Variants in TRANK1 observed in about 807,000 individuals in gnomAD.
TRANK1 encodes the protein TPR and ankyrin repeat-containing protein 1.
TRANK1 carries 198 observed loss-of-function variants against 266.0 expected under a neutral mutation model. The ratio of observed to expected loss-of-function variants is 0.74; its 90% CI spans 0.66 to 0.84. TRANK1 has a LOEUF of 0.84. TRANK1 is among the 40% of genes least tolerant of loss of function. The pLI, the probability that TRANK1 is intolerant of heterozygous loss-of-function variation, is 0.00. For synonymous variants in TRANK1, 1,396 were observed against 1,384.1 expected, an observed-to-expected ratio of 1.01 and a Z score of -0.19; for missense variants, 3,326 against 3,634.6, an observed-to-expected ratio of 0.92 and a Z score of 2.18.
chr3:36,831,883 AAGCACAGCACCAG>A lies in TRANK1; in HGVS notation c.7687_7699del (p.Leu2563TrpfsTer2). 4 of 1,614,004 alleles carry A rather than the reference AAGCACAGCACCAG, an allele frequency of 2.5e-6. No individual in the cohort carries two copies. Among genetic ancestry groups the A allele is most frequent in the Non-Finnish European group, 3.4e-6 (4 of 1,179,882 alleles). On this transcript the variant is annotated frameshift_variant, in exon 22 of 24. Coordinates refer to ENST00000645898, the MANE Select transcript of TRANK1 (RefSeq NM_001329998.2). LOFTEE classifies it high-confidence loss of function. This position sits in a 1 kb window ranked among gnomAD's most constrained non-coding sequence, Gnocchi z 5.0. Reference sequence around the variant, plus strand: ...CTCCTCAGCATTCACTAGCATCACCAAGCACAGCACCAGTGTCCGCTCAGCCTCACCCGAGACC... The same window carrying A: ...CTCCTCAGCATTCACTAGCATCACCATGTCCGCTCAGCCTCACCCGAGACC...
chr3:36,874,435 T>C, intron 8 of TRANK1, 139 bp from the exon 9 acceptor site: 1 of 880,740 alleles, frequency 1.1e-6, no homozygotes, highest in Non-Finnish European at 1.7e-6. Flanking sequence ...GAGCCTGCAC[T>C]GCTAGCCTCA....
intron 22 of TRANK1, among the ~76,000 whole-genome samples, 168 bp downstream of exon 22, chr3:36,830,705 A>G (rs1019207803): frequency 6.6e-6 from 1 of 152,176 alleles, no homozygotes; most frequent in Non-Finnish European, 1.5e-5. Context: ...AATCCAACCA[A>G]TGAGGTTCGC....
chr3:36,892,862 T>TATATATAGATATATATAGATATATATAG (rs1553626393), intron 6 of TRANK1, 39 bp downstream of exon 6: 1 of 738,810 alleles, frequency 1.4e-6, no homozygotes, highest in African/African-American at 2.0e-5. Context: ...CATATATATA[T>TATATATAGATATATATAGATATATATAG]ATATATATAG....
intron 1 of TRANK1, among the ~76,000 whole-genome samples, chr3:36,938,509 G>A (rs1349606188): frequency 6.6e-6 from 1 of 151,998 alleles, no homozygotes; most frequent in African/African-American, 2.4e-5. Context: ...GAGCCACCAG[G>A]CCCAGCCATT....
At position 36,832,190 on chromosome 3, in the gene TRANK1, C is replaced by T. The variant is rs924976437; in HGVS notation, c.7393G>A (p.Val2465Met). Residue 2465 changes from valine (V) to methionine (M), a missense_variant, in exon 22 of 24, where the codon GTG (valine) becomes ATG (methionine). Val to Met is a conservative substitution (Grantham distance 21, BLOSUM62 1). Coordinates refer to ENST00000645898, the MANE Select transcript of TRANK1 (RefSeq NM_001329998.2). ...TTCTTCCAGAGGCGGGCCAGCACCA[C>T]CCCACAGTGGATGAACTGGAACTCC... ...LLEFQFIHCG[V>M]VLARLWKNVI... 4.3e-6 allele frequency: 7 copies of T among 1,613,976 alleles called. No homozygotes were observed. The highest frequency in any genetic ancestry group is 3.3e-5 in the Admixed American group (2 of 60,014).
rs563390904 is a variant in TRANK1 at position 36,875,721 on chromosome 3, C to T, written c.908-1425G>A. On this transcript the variant is annotated intron_variant, in intron 8 of 23. Transcript: ENST00000645898. The stretch of plus-strand genomic sequence containing the variant: ...TTAAAACTAACTGATACCTGCAAAA[C>T]GTCTTTTAAAAGGCACTACATAATC... 2.1e-3 allele frequency among the ~76,000 whole-genome samples: 323 copies of T among 152,320 alleles called. 2 individuals carry two copies. The highest frequency in any genetic ancestry group is 5.3e-3 in the Admixed American group (81 of 15,300).
At chr3:36,893,123 C>G (rs914635321) in intron 5 of TRANK1, 139 bp from the exon 6 acceptor site, 2 of 347,882 alleles carry the variant, frequency 5.7e-6, no homozygotes, top group Non-Finnish European at 9.9e-6. Context: ...AAAGTGCTTG[C>G]CAAGTTTTTC....
rs375431519 is a variant in TRANK1 at position 36,922,994 on chromosome 3, G to T, written c.24-14540C>A. Reference sequence around the variant, plus strand: ...TTCTTCATGGTCCAGGACACACAGTGCTCCTGTGCAAATAACTTACAATCT... The same window carrying T: ...TTCTTCATGGTCCAGGACACACAGTTCTCCTGTGCAAATAACTTACAATCT... On this transcript the variant is annotated intron_variant, in intron 1 of 23. Coordinates refer to ENST00000645898, the MANE Select transcript of TRANK1 (RefSeq NM_001329998.2). 5.9e-5 allele frequency among the ~76,000 whole-genome samples: 9 copies of T among 152,240 alleles called. No individual in the cohort carries two copies. In the South Asian group the frequency reaches 1.9e-3, roughly 32 times the overall value.
intron 20 of TRANK1, among the ~76,000 whole-genome samples, chr3:36,835,338 A>C (rs1378243635): frequency 6.6e-6 from 1 of 151,196 alleles, no homozygotes; most frequent in Non-Finnish European, 1.5e-5. Context: ...AAAAAAAAAA[A>C]AAAAAAACCC....
At chr3:36,913,022 T>C (rs1559470001) in intron 1 of TRANK1, among the ~76,000 whole-genome samples, 1 of 140,078 alleles carries the variant, frequency 7.1e-6, no homozygotes, top group Non-Finnish European at 1.5e-5. Flanking sequence ...AGAAAGAGTA[T>C]GTCTCTTTTG....
chr3:36,915,128 T>A (rs562168031), intron 1 of TRANK1, among the ~76,000 whole-genome samples: 2 of 152,062 alleles, frequency 1.3e-5, no homozygotes, highest in Non-Finnish European at 2.9e-5. Flanking sequence ...ATTTTTTGTA[T>A]TTTTAGTAGA....
intron 8 of TRANK1, chr3:36,880,183 C>CT (rs199662501): frequency 6.3e-5 from 11 of 175,224 alleles, no homozygotes; most frequent in African/African-American, 2.7e-4. Context: ...TGAACAATTA[C>CT]ATCATCTTCT....
chr3:36,945,384 A>G (rs1173285999), upstream of TRANK1, among the ~76,000 whole-genome samples: 2 of 152,112 alleles, frequency 1.3e-5, no homozygotes, highest in Non-Finnish European at 2.9e-5. Context: ...CCTCCCTCCA[A>G]CAAAGGACGT....
At chr3:36,943,747 C>T (rs1384045558) in intron 1 of TRANK1, among the ~76,000 whole-genome samples, 1 of 151,960 alleles carries the variant, frequency 6.6e-6, no homozygotes, top group East Asian at 1.9e-4. Context: ...GGAGCGCATA[C>T]CTACGCTGGG....
rs1245763675 is a variant in TRANK1, at chr3:36,831,580, A to C, written c.8003T>G (p.Val2668Gly). 1 of 1,613,292 alleles carries C rather than the reference A, an allele frequency of 6.2e-7. No homozygotes were observed. The highest frequency in any genetic ancestry group is 2.2e-5 in the East Asian group (1 of 44,862). Residue 2668 changes from valine to glycine, a missense_variant, in exon 22 of 24, where the codon GTC becomes GGC. Transcript: ENST00000645898. The surrounding 1 kb of genome is among the most constrained non-coding windows in gnomAD (Gnocchi z 5.0). ...CAAACAGAGCAGGCGGTTTAGTCTG[A>C]CCTCCTCATAATAGAGGCCACGGAC... ...SIVRGLYYEE[V>G]RLNRLLCLDP...
intron 1 of TRANK1, among the ~76,000 whole-genome samples, chr3:36,912,859 CA>C (rs1467088701): frequency 4.5e-5 from 6 of 133,388 alleles, no homozygotes; most frequent in African/African-American, 1.6e-4. Flanking sequence ...TTCTTGACAA[CA>C]AATTTGTTTA....
At chr3:36,847,573 T>A (rs1488698061) in intron 15 of TRANK1, among the ~76,000 whole-genome samples, 1 of 152,058 alleles carries the variant, frequency 6.6e-6, no homozygotes, top group Non-Finnish European at 1.5e-5. Context: ...ACCAAGAAGC[T>A]AAGAAGCCAG....
chr3:36,858,323 TC>T (rs2079088465), intron 12 of TRANK1, among the ~76,000 whole-genome samples: 1 of 152,166 alleles, frequency 6.6e-6, no homozygotes, highest in African/African-American at 2.4e-5. Context: ...CTGCTAAATA[TC>T]CTACAACGCA....
At chr3:36,925,908 C>T (rs765959525) in intron 1 of TRANK1, among the ~76,000 whole-genome samples, 21 of 152,140 alleles carry the variant, frequency 1.4e-4, no homozygotes, top group African/African-American at 1.9e-4. Context: ...TTAAAGCTAA[C>T]TCTTTTTATT....
Sources: allele counts gnomAD v4.1 joint callset (sites outside exome capture counted in the v4.1 genomes callset), GRCh38; gene constraint gnomAD v4.1.1; non-coding constraint Gnocchi (gnomAD v3.1); transcripts MANE v1.5; gene names NCBI Gene and HGNC (gene_info 2026-07-23, HGNC 2026-07-21).